FAM161A: variants seen among roughly 807,000 people sequenced by gnomAD.
FAM161A encodes FAM161 centrosomal protein A.
FAM161A carries 57 observed loss-of-function variants against 70.9 expected under a neutral mutation model. The ratio of observed to expected loss-of-function variants is 0.80; its 90% confidence interval spans 0.65 to 1.00. The LOEUF (loss-of-function observed/expected upper bound fraction) is 1.00, where lower values mean the gene tolerates loss of function less well. Among genes scored for constraint, FAM161A ranks in the 50% least tolerant of loss-of-function variants. The probability of loss-of-function intolerance (pLI) is 0.00; values close to 1 mark genes in which losing one functional copy is unlikely to be tolerated. For missense variants in FAM161A, 880 were observed against 836.0 expected, an observed-to-expected ratio of 1.05 and a Z score of -0.65; for synonymous variants, 299 against 295.7, an observed-to-expected ratio of 1.01 and a Z score of -0.12.
Position 61,839,623 on chromosome 2 carries a change from C to A in FAM161A, c.1381G>T (p.Ala461Ser). 1 of 1,614,196 alleles carries A rather than the reference C, an allele frequency of 6.2e-7. No homozygotes were observed. The highest frequency in any genetic ancestry group is 1.1e-5 in the South Asian group (1 of 91,076). ...LTVCKPFDLHASPHASIKREK... is the reference protein window; with the variant it reads ...LTVCKPFDLHSSPHASIKREK... ...CTTTTAATAGATGCATGTGGAGATGCATGAAGATCAAATGGTTTACACACT... is the reference window on the plus strand; with the variant it reads ...CTTTTAATAGATGCATGTGGAGATGAATGAAGATCAAATGGTTTACACACT... The change falls in exon 3 of 7, where the codon GCA (alanine) becomes TCA (serine). Residue 461 changes from alanine to serine, a missense_variant. Coordinates refer to ENST00000404929, the MANE Select transcript of FAM161A (RefSeq NM_001201543.2).
chr2:61,843,176 C>T (rs1293650018), intron 1 of FAM161A, among the ~76,000 whole-genome samples: 1 of 152,162 alleles, frequency 6.6e-6, no homozygotes. Flanking sequence ...CGGAGTCTCA[C>T]TCTGTCACTC....
chr2:61,822,181 A>G (rs943085308), downstream of FAM161A, among the ~76,000 whole-genome samples: 1 of 152,046 alleles, frequency 6.6e-6, no homozygotes, highest in Non-Finnish European at 1.5e-5. Context: ...CTGTAATCCT[A>G]ACACTTTGAG....
intron 2 of FAM161A, 133 bp from the exon 3 acceptor site, chr2:61,840,714 G>C (rs899818070): frequency 7.3e-6 from 5 of 688,006 alleles, no homozygotes; most frequent in Middle Eastern, 4.0e-4. Context: ...GCAGTGGTGT[G>C]ATATCGGCTC....
intron 2 of FAM161A, among the ~76,000 whole-genome samples, chr2:61,841,661 A>T (rs1673024505): frequency 6.6e-6 from 1 of 152,196 alleles, no homozygotes. Context: ...CTGACTGACT[A>T]GATGTGTAAG....
At position 61,825,356 on chromosome 2, in the gene FAM161A, C is replaced by T. The variant is rs1407841563; in HGVS notation, c.*1099G>A. 2 of 454,152 alleles carry T rather than the reference C, an allele frequency of 4.4e-6. 1 individual carries two copies. Among genetic ancestry groups the T allele is most frequent in the Admixed American group, 4.7e-5 (2 of 42,542 alleles). 28.1% of individuals were successfully genotyped at this position (454,152 alleles called of 1,614,324 possible). ...AGTTAAATCTGAATTACTTTGGAGA[C>T]TTGCCCTAGCCAAGTTATTATGCAC... On this transcript the variant is annotated 3_prime_UTR_variant, in exon 7 of 7. Transcript: ENST00000404929.
chr2:61,810,706 T>A, the FAM161A span, among the ~76,000 whole-genome samples: 3 of 151,940 alleles, frequency 2.0e-5, no homozygotes, highest in Admixed American at 6.6e-5. Context: ...GTGATCCACC[T>A]GCCTCAGCCT....
Position 61,829,249 on chromosome 2 carries a change from G to T in FAM161A, c.1852-1991C>A, listed in dbSNP as rs1026287782. ...CATGCTACTTTCTCTAAGTGGTAGT[G>T]GTCGTCAAGAGTTTGAAGGTGACCT... On this transcript the variant is annotated intron_variant, in intron 5 of 6. Transcript: ENST00000404929. Among the ~76,000 whole-genome samples, 5 of 152,070 alleles carry T rather than the reference G, an allele frequency of 3.3e-5. No homozygotes were observed. In the South Asian group the frequency reaches 1.0e-3, roughly 32 times the overall value.
chr2:61,820,154 GGCC>G (rs1367955102), downstream of FAM161A: 1 of 499,128 alleles, frequency 2.0e-6, no homozygotes, highest in Non-Finnish European at 3.6e-6. Context: ...TTCTGTCCGT[GGCC>G]GCCACCAGGA....
intron 1 of FAM161A, among the ~76,000 whole-genome samples, chr2:61,844,689 ACT>A (rs1673143357): frequency 1.3e-5 from 2 of 152,152 alleles, no homozygotes; most frequent in Non-Finnish European, 2.9e-5. Flanking sequence ...ACAAAGCAAG[ACT>A]CTGTCTCACT....
At chr2:61,850,943 C>T (rs993354738) in intron 1 of FAM161A, among the ~76,000 whole-genome samples, 1 of 152,152 alleles carries the variant, frequency 6.6e-6, no homozygotes, top group Admixed American at 6.5e-5. Context: ...GGCGTGATCT[C>T]GGCTCACTGC....
intron 1 of FAM161A, among the ~76,000 whole-genome samples, chr2:61,853,504 G>A (rs1435508783): frequency 6.6e-6 from 1 of 152,112 alleles, no homozygotes; most frequent in Non-Finnish European, 1.5e-5. Context: ...TGACAGAACA[G>A]TTTTCCTCAA....
chr2:61,809,597 G>C, the FAM161A span, among the ~76,000 whole-genome samples: 1 of 152,164 alleles, frequency 6.6e-6, no homozygotes, highest in East Asian at 1.9e-4. Flanking sequence ...AGATCCGTAG[G>C]GAATTTGGGG....
At chr2:61,844,270 G>A (rs1673126322) in intron 1 of FAM161A, among the ~76,000 whole-genome samples, 1 of 152,180 alleles carries the variant, frequency 6.6e-6, no homozygotes, top group African/African-American at 2.4e-5. Flanking sequence ...ATCTTCTGCT[G>A]TTTCTTTATG....
chr2:61,833,181 T>C (rs1672645782), intron 5 of FAM161A, among the ~76,000 whole-genome samples: 2 of 152,038 alleles, frequency 1.3e-5, no homozygotes, highest in Admixed American at 1.3e-4. Flanking sequence ...TCCCAGCACT[T>C]TGGGAGGCCA....
intron 1 of FAM161A, chr2:61,846,760 C>A (rs1047813032): frequency 1.2e-5 from 4 of 335,782 alleles, no homozygotes; most frequent in Non-Finnish European, 2.4e-5. Flanking sequence ...GGGACTTACT[C>A]CTTTCTGTTA....
chr2:61,824,828 GT>G (rs1370464230), downstream of FAM161A: 2 of 371,988 alleles, frequency 5.4e-6, no homozygotes, highest in South Asian at 4.3e-5. Flanking sequence ...TGAAGTAGCT[GT>G]AAGTATATAA....
At position 61,838,236 on chromosome 2, in the gene FAM161A, T is replaced by C. The variant is rs564904085; in HGVS notation, c.1751+302A>G. 4.6e-5 allele frequency among the ~76,000 whole-genome samples: 7 copies of C among 152,286 alleles called. No homozygotes were observed. In the South Asian group the frequency reaches 1.4e-3, roughly 32 times the overall value. On this transcript the variant is annotated intron_variant, in intron 4 of 6. Transcript: ENST00000404929. ...TATATCTGTTTACTGCAATCAAAAA[T>C]AATATAAAGAACAAGATCAGATATT...
intron 5 of FAM161A, among the ~76,000 whole-genome samples, chr2:61,830,400 G>C (rs1027349737): frequency 6.6e-6 from 1 of 152,042 alleles, no homozygotes; most frequent in Non-Finnish European, 1.5e-5. Context: ...AGAACAGTAG[G>C]CCAGGCACGG....
In FAM161A at chr2:61,853,852, G is replaced by T. The variant is rs1045021832; in HGVS notation, c.183+7C>A. 1.9e-6 allele frequency: 3 copies of T among 1,613,708 alleles called. No homozygotes were observed. Among genetic ancestry groups the T allele is most frequent in the African/African-American group, 1.3e-5 (1 of 74,928 alleles). ...AGGTCCCAGCCCAAGTCCCGCCCCA[G>T]TATTACCGATGCCCCAGCGGGCTGA... is the stretch of plus-strand genomic sequence containing the variant. On this transcript the variant is annotated splice_region_variant and intron_variant, in intron 1 of 6. Coordinates refer to ENST00000404929, the MANE Select transcript of FAM161A (RefSeq NM_001201543.2).
Sources: allele counts gnomAD v4.1 joint callset (sites outside exome capture counted in the v4.1 genomes callset), GRCh38; gene constraint gnomAD v4.1.1; transcripts MANE v1.5; gene names NCBI Gene and HGNC (gene_info 2026-07-23, HGNC 2026-07-21).